The following PKD2L2 variants were observed in gnomAD, a reference collection of about 807,000 sequenced individuals.
PKD2L2 encodes polycystin 2 like 2, transient receptor potential cation channel.
Under a neutral mutation model 83.9 loss-of-function variants are expected in PKD2L2, and 67 were observed. The ratio of observed to expected loss-of-function variants is 0.80; its 90% CI spans 0.66 to 0.98. The LOEUF (loss-of-function observed/expected upper bound fraction) is 0.98. Ranked by LOEUF, PKD2L2 falls within the 50% of genes least tolerant of loss-of-function variation. The probability of loss-of-function intolerance (pLI) is 0.00; values close to 1 mark genes in which losing one functional copy is unlikely to be tolerated. For synonymous variants in PKD2L2, 223 were observed against 237.8 expected, an observed-to-expected ratio of 0.94 and a Z score of 0.57; for missense variants, 632 against 717.2, an observed-to-expected ratio of 0.88 and a Z score of 1.36.
At chr5:137,896,627 G>T (rs1433298648) in intron 4 of PKD2L2, among the ~76,000 whole-genome samples, 1 of 152,018 alleles carries the variant, frequency 6.6e-6, no homozygotes, top group Non-Finnish European at 1.5e-5. Context: ...ACCCAGGCTG[G>T]TCTCAAATTC....
intron 12 of PKD2L2, among the ~76,000 whole-genome samples, chr5:137,932,114 T>C (rs1759925298): frequency 6.6e-6 from 1 of 152,088 alleles, no homozygotes; most frequent in African/African-American, 2.4e-5. Context: ...TCCCAGCACT[T>C]TGGGACACTT....
intron 5 of PKD2L2, among the ~76,000 whole-genome samples, chr5:137,900,268 A>G (rs1212516972): frequency 1.3e-5 from 2 of 152,194 alleles, no homozygotes; most frequent in African/African-American, 2.4e-5. Context: ...GATGCTCACC[A>G]TCTTCACATA....
chr5:137,892,483 C>T lies in PKD2L2; in HGVS notation c.137C>T (p.Thr46Ile). 1 of 1,507,892 alleles carries T rather than the reference C, an allele frequency of 6.6e-7. No individual in the cohort carries two copies. The highest frequency in any genetic ancestry group is 9.0e-7 in the Non-Finnish European group (1 of 1,114,506). 93.4% of individuals were successfully genotyped at this position (1,507,892 alleles called of 1,614,324 possible). A position where few individuals can be genotyped will look rare whatever the true frequency, so the allele number is the denominator to read the frequency against. The change falls in exon 3 of 15, where the codon ACT (threonine) becomes ATT (isoleucine). Residue 46 changes from threonine to isoleucine, a missense_variant. By Grantham distance (89) the Thr-to-Ile change is moderately conservative. This residue lies in a region of PKD2L2 where 229 missense variants were observed against 281.5 expected (regional missense o/e 0.81). Coordinates refer to ENST00000508883, the MANE Select transcript of PKD2L2 (RefSeq NM_001300921.2). ...FIFLINLCIL[T>I]FGMVNPHMYY... ...AACAAAAAATTATTCTCCTTAGTGA[C>T]TTTTGGGATGGTAAACCCACATATG...
chr5:137,938,739 T>A (rs1348592447), intron 14 of PKD2L2: 2 of 152,428 alleles, frequency 1.3e-5, no homozygotes, highest in Non-Finnish European at 2.9e-5. Flanking sequence ...ATGTGCTTAC[T>A]ATGTAATAGT....
At position 137,889,540 on chromosome 5, in the gene PKD2L2, G is replaced by A. The variant is rs777295066; in HGVS notation, c.31+18G>A. 2 of 1,538,608 alleles carry A rather than the reference G, an allele frequency of 1.3e-6. No individual in the cohort carries two copies. The highest frequency in any genetic ancestry group is 1.2e-5 in the South Asian group (1 of 81,406). On this transcript the variant is annotated intron_variant, in intron 1 of 14. Coordinates refer to ENST00000508883, the MANE Select transcript of PKD2L2 (RefSeq NM_001300921.2). ...CCGAGGCGGTGAGGGGTCCTCTTAA[G>A]GAGTGGGAGGGACAGGGGCGATTTG...
chr5:137,899,060 T>C (rs1466552496), intron 4 of PKD2L2, among the ~76,000 whole-genome samples: 7 of 152,358 alleles, frequency 4.6e-5, no homozygotes, highest in Non-Finnish European at 7.4e-5. Flanking sequence ...AGAATACTTA[T>C]GAATTTACTA....
At chr5:137,935,015 G>A (rs1760206585) in intron 12 of PKD2L2, among the ~76,000 whole-genome samples, 1 of 152,230 alleles carries the variant, frequency 6.6e-6, no homozygotes, top group African/African-American at 2.4e-5. Flanking sequence ...CCTCTCTGAG[G>A]AAGGTAATCA....
intron 12 of PKD2L2, among the ~76,000 whole-genome samples, chr5:137,935,072 A>C (rs1161866143): frequency 6.6e-6 from 1 of 152,232 alleles, no homozygotes; most frequent in Non-Finnish European, 1.5e-5. Flanking sequence ...TTATTGCTGG[A>C]GCAGGGAAGT....
rs1755861530 is a variant in PKD2L2 at position 137,890,429 on chromosome 5, ACT to A, written c.32-51_32-50del. 1.7e-5 allele frequency: 16 copies of A among 926,524 alleles called. No individual in the cohort carries two copies. In the South Asian group the frequency reaches 2.5e-4, roughly 15 times the overall value. 57.4% of individuals were successfully genotyped at this position (926,524 alleles called of 1,614,324 possible). A position where few individuals can be genotyped will look rare whatever the true frequency, so the allele number is the denominator to read the frequency against. ...TGGCTGTGGTTTTTCCATTGTTGTC[ACT>A]TATAAATTACATAATAATGTAAAGA... On this transcript the variant is annotated intron_variant, in intron 1 of 14. Transcript: ENST00000508883.
chr5:137,911,532 CTTA>C (rs1273482778), intron 8 of PKD2L2, among the ~76,000 whole-genome samples: 1 of 152,000 alleles, frequency 6.6e-6, no homozygotes. Context: ...CCCCTCCAGA[CTTA>C]TTAAGGTATA....
At chr5:137,934,845 T>A (rs1221837840) in intron 12 of PKD2L2, among the ~76,000 whole-genome samples, 1 of 151,958 alleles carries the variant, frequency 6.6e-6, no homozygotes, top group Non-Finnish European at 1.5e-5. Context: ...ATCGTGCCAC[T>A]GCACTCCAGC....
chr5:137,889,951 C>T, intron 1 of PKD2L2: 1 of 178,820 alleles, frequency 5.6e-6, no homozygotes, highest in Admixed American at 6.3e-5. Context: ...TCGTATTTTG[C>T]TTTTTCATCT....
intron 3 of PKD2L2, 34 bp from the exon 4 acceptor site, chr5:137,894,319 A>T: frequency 6.5e-7 from 1 of 1,550,276 alleles, no homozygotes; most frequent in South Asian, 1.2e-5. Context: ...ACATGAAAAT[A>T]TTTTTCCCAT....
chr5:137,934,307 C>T (rs149323404), intron 12 of PKD2L2, among the ~76,000 whole-genome samples: 5 of 152,084 alleles, frequency 3.3e-5, no homozygotes, highest in South Asian at 4.1e-4. Context: ...ATGGCTGAGA[C>T]GGGTTTTTAA....
In PKD2L2 at chr5:137,925,116, T is replaced by C; in HGVS notation, c.1616+12T>C. 2 of 1,522,170 alleles carry C rather than the reference T, an allele frequency of 1.3e-6. No homozygotes were observed. The highest frequency in any genetic ancestry group is 1.8e-6 in the Non-Finnish European group (2 of 1,097,078). The allele number at this position is 1,522,170 out of a possible 1,614,324, so 94.3% of individuals were successfully genotyped here. A position where few individuals can be genotyped will look rare whatever the true frequency, so the allele number is the denominator to read the frequency against. ...GAAGACAAGAAAACGTAAGATGACT[T>C]CTCTCAAATGTTTAACTTACCATTT... On this transcript the variant is annotated intron_variant, in intron 11 of 14. Coordinates refer to ENST00000508883, the MANE Select transcript of PKD2L2 (RefSeq NM_001300921.2).
At chr5:137,907,344 GT>G (rs1274707276) in intron 6 of PKD2L2, among the ~76,000 whole-genome samples, 3 of 152,134 alleles carry the variant, frequency 2.0e-5, no homozygotes, top group African/African-American at 7.2e-5. Flanking sequence ...TTGTTAAAAG[GT>G]TCCAGAAGGT....
chr5:137,925,597 T>TA (rs1346471656), intron 11 of PKD2L2, among the ~76,000 whole-genome samples: 1 of 152,232 alleles, frequency 6.6e-6, no homozygotes, highest in Non-Finnish European at 1.5e-5. Context: ...GGACAATACT[T>TA]ATACTTACAC....
At chr5:137,913,876 T>A (rs1436979894) in intron 8 of PKD2L2, among the ~76,000 whole-genome samples, 1 of 150,494 alleles carries the variant, frequency 6.6e-6, no homozygotes, top group African/African-American at 2.4e-5. Context: ...TTTTCCTTTT[T>A]TTTTTTTTCC....
At chr5:137,915,335 T>C (rs1758226905) in intron 8 of PKD2L2, among the ~76,000 whole-genome samples, 1 of 152,204 alleles carries the variant, frequency 6.6e-6, no homozygotes, top group Non-Finnish European at 1.5e-5. Flanking sequence ...CTTTAAATGT[T>C]TGTAGAATTT....
Sources: gnomAD v4.1 joint callset for allele counts (sites outside exome capture counted in the v4.1 genomes callset) on GRCh38, gnomAD v4.1.1 for gene constraint, gnomAD v4.1.1 regional missense constraint, MANE v1.5 for transcripts, NCBI Gene and HGNC (gene_info 2026-07-23, HGNC 2026-07-21) for gene names.